Variants in BABAM2 observed in about 807,000 individuals in gnomAD.
BABAM2 encodes the protein BRISC and BRCA1 A complex member 2, also known as BRISC and BRCA1-A complex member 2.
A neutral mutation model predicts 54.7 loss-of-function variants in BABAM2; 31 were observed. The observed-to-expected ratio is 0.57, with a 90% CI of 0.43 to 0.77. BABAM2 has a LOEUF of 0.77. BABAM2 is among the 30% of genes least tolerant of loss of function. The pLI is 0.00. For missense variants in BABAM2, 364 were observed against 455.8 expected (o/e 0.80, Z 1.83); for synonymous variants, 167 against 162.9 (o/e 1.03, Z -0.19).
chr2:28,167,620 G>A (rs1673831875), intron 7 of BABAM2, among the ~76,000 whole-genome samples: 1 of 151,696 alleles, frequency 6.6e-6, no homozygotes, highest in African/African-American at 2.4e-5. Context: ...CTTGAACCCG[G>A]GAGGCAGAAG....
intron 6 of BABAM2, among the ~76,000 whole-genome samples, chr2:28,119,189 T>C (rs1668853750): frequency 6.6e-6 from 1 of 152,196 alleles, no homozygotes; most frequent in South Asian, 2.1e-4. Flanking sequence ...TTGCTTAGGA[T>C]TGTCTTGGCA....
rs962041217 is a variant in BABAM2, at chr2:28,069,423, A to C, written c.570+23624A>C. Among the ~76,000 whole-genome samples, 4 of 152,214 alleles carry C rather than the reference A, an allele frequency of 2.6e-5. No individual in the cohort carries two copies. The East Asian group carries it at 7.7e-4, about 29-fold the overall frequency. On this transcript the variant is annotated intron_variant, in intron 6 of 11. Transcript: ENST00000379624. ...TAATGTACTTCCAGATATCCTTGGAATATAATGGATTAAAGAGTTGCAGAA... is the reference window on the plus strand; with the variant it reads ...TAATGTACTTCCAGATATCCTTGGACTATAATGGATTAAAGAGTTGCAGAA...
chr2:28,134,615 T>G (rs956105187), intron 7 of BABAM2: 4 of 152,250 alleles, frequency 2.6e-5, no homozygotes, highest in African/African-American at 9.6e-5. Flanking sequence ...ACAGAATTTG[T>G]TTTTAGAACT....
intron 7 of BABAM2, among the ~76,000 whole-genome samples, chr2:28,177,292 A>G (rs1285592480): frequency 1.3e-5 from 2 of 152,120 alleles, no homozygotes; most frequent in African/African-American, 4.8e-5. Context: ...AGCCAAGTAT[A>G]CTATGCTCAG....
chr2:28,089,646 G>T (rs949842752), intron 6 of BABAM2, among the ~76,000 whole-genome samples: 1 of 152,152 alleles, frequency 6.6e-6, no homozygotes, highest in African/African-American at 2.4e-5. Flanking sequence ...TAAGTAACTT[G>T]CCCAGGCTCA....
intron 6 of BABAM2, among the ~76,000 whole-genome samples, chr2:28,065,872 A>T (rs979115421): frequency 6.6e-6 from 1 of 150,990 alleles, no homozygotes; most frequent in African/African-American, 2.4e-5. Flanking sequence ...TGGGTGCGGT[A>T]GCTCATGCCT....
intron 6 of BABAM2, among the ~76,000 whole-genome samples, chr2:28,104,176 G>GCC (rs1453423839): frequency 6.6e-6 from 1 of 152,150 alleles, no homozygotes; most frequent in African/African-American, 2.4e-5. Flanking sequence ...GGCAACAAAA[G>GCC]CCAAAATTGA....
chr2:27,939,664 C>CA (rs1668736252), intron 3 of BABAM2, among the ~76,000 whole-genome samples: 3 of 152,178 alleles, frequency 2.0e-5, no homozygotes, highest in African/African-American at 7.2e-5. Context: ...GAGTCTGAAT[C>CA]AATTTTATCT....
intron 9 of BABAM2, among the ~76,000 whole-genome samples, chr2:28,241,651 CACCCAGCAA>C (rs1012629724): frequency 5.3e-5 from 8 of 152,132 alleles, no homozygotes; most frequent in Non-Finnish European, 1.2e-4. Flanking sequence ...TGGGCCACCA[CACCCAGCAA>C]ATTTTTGTAT....
At chr2:27,948,142 A>G (rs1669434980) in intron 3 of BABAM2, among the ~76,000 whole-genome samples, 1 of 151,926 alleles carries the variant, frequency 6.6e-6, no homozygotes, top group South Asian at 2.1e-4. Context: ...TGTTATTAGT[A>G]TTCCATGTAC....
chr2:28,227,911 A>G (rs1035510279), intron 7 of BABAM2, among the ~76,000 whole-genome samples: 6 of 152,186 alleles, frequency 3.9e-5, no homozygotes, highest in African/African-American at 1.4e-4. Flanking sequence ...GTTTTTAACA[A>G]GCCCTCCCAC....
chr2:28,130,686 T>C (rs1354448714), intron 7 of BABAM2, among the ~76,000 whole-genome samples: 1 of 152,048 alleles, frequency 6.6e-6, no homozygotes, highest in East Asian at 1.9e-4. Flanking sequence ...ACTCCTAGGC[T>C]CAAGTGATTC....
intron 7 of BABAM2, among the ~76,000 whole-genome samples, chr2:28,160,027 G>A (rs1411848146): frequency 6.6e-6 from 1 of 152,118 alleles, no homozygotes. Context: ...TGTCACCCAG[G>A]CTAGAGTGCA....
chr2:28,255,172 T>TG (rs1458731177), intron 10 of BABAM2, among the ~76,000 whole-genome samples: 15 of 152,362 alleles, frequency 9.8e-5, no homozygotes, highest in African/African-American at 3.6e-4. Context: ...ACTTGCTTTG[T>TG]TCAAATCAGG....
At chr2:28,247,284 T>C (rs1682995654) in intron 10 of BABAM2, among the ~76,000 whole-genome samples, 1 of 152,226 alleles carries the variant, frequency 6.6e-6, no homozygotes, top group Admixed American at 6.5e-5. Context: ...TGCTGTTTCC[T>C]GCTCCCTCAC....
chr2:28,205,832 G>A (rs551348433), intron 7 of BABAM2, among the ~76,000 whole-genome samples: 1 of 152,246 alleles, frequency 6.6e-6, no homozygotes, highest in South Asian at 2.1e-4. Context: ...CTCCTAAAGA[G>A]CAGTAGAATA....
intron 4 of BABAM2, among the ~76,000 whole-genome samples, chr2:28,013,730 C>CGT (rs1553411800): frequency 2.7e-4 from 37 of 136,916 alleles, no homozygotes; most frequent in African/African-American, 4.5e-4. Context: ...CACACACACA[C>CGT]GTGTGTGTGT....
At chr2:28,129,175 A>C in intron 6 of BABAM2, 96 bp from the exon 7 acceptor site, 1 of 1,146,232 alleles carries the variant, frequency 8.7e-7, no homozygotes, top group South Asian at 1.3e-5. Context: ...AGGGTAACTC[A>C]CAGTCATGGC....
At chr2:28,061,024 A>G (rs1276324277) in intron 6 of BABAM2, among the ~76,000 whole-genome samples, 1 of 152,222 alleles carries the variant, frequency 6.6e-6, no homozygotes, top group Non-Finnish European at 1.5e-5. Flanking sequence ...AGCCTAAACA[A>G]TTTTGAAAAA....
Sources: allele counts gnomAD v4.1 joint callset (sites outside exome capture counted in the v4.1 genomes callset), GRCh38; gene constraint gnomAD v4.1.1; transcripts MANE v1.5; gene names NCBI Gene and HGNC (gene_info 2026-07-23, HGNC 2026-07-21).